Variants in KHDRBS2 observed in about 807,000 individuals in gnomAD.
KHDRBS2 encodes the protein KH domain-containing, RNA-binding, signal transduction-associated protein 2.
KHDRBS2 carries 26 observed loss-of-function variants against 44.3 expected under a neutral mutation model. The ratio of observed to expected loss-of-function variants is 0.59; its 90% CI spans 0.43 to 0.81. The LOEUF (loss-of-function observed/expected upper bound fraction) is 0.81, where lower values mean the gene tolerates loss of function less well. KHDRBS2 is among the 40% of genes least tolerant of loss of function. The probability of loss-of-function intolerance (pLI) is 0.00; values close to 1 mark genes in which losing one functional copy is unlikely to be tolerated. For missense variants in KHDRBS2, 476 were observed against 433.1 expected (o/e 1.10, Z -0.88); for synonymous variants, 194 against 151.1 (o/e 1.28, Z -2.08).
At chr6:61,632,114 T>C in the KHDRBS2 span, among the ~76,000 whole-genome samples, 2 of 152,200 alleles carry the variant, frequency 1.3e-5, no homozygotes, top group African/African-American at 4.8e-5. Flanking sequence ...TTCATCATTA[T>C]GAAAATTTCT....
chr6:62,198,611 A>G (rs1826201827), intron 1 of KHDRBS2, among the ~76,000 whole-genome samples: 1 of 152,156 alleles, frequency 6.6e-6, no homozygotes, highest in Non-Finnish European at 1.5e-5. Context: ...ACCAACCAAA[A>G]AAAGTCCAGG....
intron 2 of KHDRBS2, among the ~76,000 whole-genome samples, chr6:62,059,307 CA>C (rs550354153): frequency 8.2e-6 from 1 of 122,232 alleles, no homozygotes; most frequent in Non-Finnish European, 1.6e-5. Context: ...AAACAAGTTC[CA>C]AAAAAGAAAA....
intron 2 of KHDRBS2, among the ~76,000 whole-genome samples, chr6:62,083,093 C>A (rs1362242799): frequency 6.6e-6 from 1 of 152,100 alleles, no homozygotes; most frequent in African/African-American, 2.4e-5. Context: ...TTTTCCCACC[C>A]AAATGTTGCC....
chr6:62,154,686 A>C (rs1004719154), intron 2 of KHDRBS2, among the ~76,000 whole-genome samples: 1 of 152,202 alleles, frequency 6.6e-6, no homozygotes, highest in Non-Finnish European at 1.5e-5. Flanking sequence ...GGGAGCAAAA[A>C]TGATAAAACA....
intron 6 of KHDRBS2, among the ~76,000 whole-genome samples, chr6:61,750,743 A>G (rs1354497071): frequency 6.7e-6 from 1 of 148,240 alleles, no homozygotes; most frequent in African/African-American, 2.5e-5. Flanking sequence ...CTTCTCATTT[A>G]TGACCAGAGA....
intron 7 of KHDRBS2, among the ~76,000 whole-genome samples, chr6:61,729,901 C>T (rs1774171496): frequency 6.6e-6 from 1 of 151,898 alleles, no homozygotes; most frequent in Non-Finnish European, 1.5e-5. Context: ...TTGTAGCTTG[C>T]CATTTTATTT....
At chr6:61,969,677 G>T (rs578219768) in intron 4 of KHDRBS2, among the ~76,000 whole-genome samples, 1 of 151,894 alleles carries the variant, frequency 6.6e-6, no homozygotes, top group Non-Finnish European at 1.5e-5. Flanking sequence ...GAACAGAAGA[G>T]GATTAAAATG....
At chr6:62,128,481 A>G (rs1252301676) in intron 2 of KHDRBS2, among the ~76,000 whole-genome samples, 1 of 152,092 alleles carries the variant, frequency 6.6e-6, no homozygotes. Context: ...CAGGAAAGGT[A>G]ACTTTTAGGA....
intron 4 of KHDRBS2, among the ~76,000 whole-genome samples, chr6:61,947,036 T>G (rs1463380140): frequency 3.3e-5 from 5 of 152,192 alleles, no homozygotes; most frequent in African/African-American, 1.2e-4. Context: ...TATTCTTGTT[T>G]CACTCTAGAA....
intron 1 of KHDRBS2, among the ~76,000 whole-genome samples, chr6:62,181,743 G>A (rs1349118478): frequency 6.6e-6 from 1 of 151,910 alleles, no homozygotes; most frequent in Admixed American, 6.6e-5. Context: ...AGTATTAAAA[G>A]GTTAGGCCTT....
At chr6:62,177,073 C>T (rs1309314640) in intron 2 of KHDRBS2, 112 bp downstream of exon 2, 3 of 656,322 alleles carry the variant, frequency 4.6e-6, no homozygotes, top group Non-Finnish European at 4.7e-6. Context: ...CTTGCATACA[C>T]TTACATTATG....
intron 2 of KHDRBS2, among the ~76,000 whole-genome samples, chr6:62,154,704 T>C (rs1210454644): frequency 1.3e-5 from 2 of 152,154 alleles, no homozygotes; most frequent in African/African-American, 4.8e-5. Context: ...ACAATGAGTA[T>C]GTCACAAATG....
intron 4 of KHDRBS2, among the ~76,000 whole-genome samples, chr6:61,932,804 A>G (rs1398525597): frequency 6.6e-6 from 1 of 152,100 alleles, no homozygotes; most frequent in Non-Finnish European, 1.5e-5. Context: ...AGAAAAAAAT[A>G]AAAAATAAGA....
chr6:62,009,309 T>C (rs1437544127), intron 3 of KHDRBS2, among the ~76,000 whole-genome samples: 1 of 152,076 alleles, frequency 6.6e-6, no homozygotes, highest in Admixed American at 6.6e-5. Flanking sequence ...TGATTTAGGG[T>C]ATCAGTTGGA....
At chr6:61,626,536 G>A in the KHDRBS2 span, among the ~76,000 whole-genome samples, 7 of 152,158 alleles carry the variant, frequency 4.6e-5, no homozygotes, top group Non-Finnish European at 1.0e-4. Context: ...TCACTGCTAT[G>A]TTAACTTTGG....
chr6:61,721,386 C>A (rs1254779930), intron 7 of KHDRBS2, among the ~76,000 whole-genome samples: 1 of 151,746 alleles, frequency 6.6e-6, no homozygotes, highest in African/African-American at 2.4e-5. Flanking sequence ...GCCATTTTCA[C>A]GATATTGATT....
chr6:62,177,283 T>A lies in KHDRBS2; in HGVS notation c.121A>T (p.Lys41Ter). ...TACTTCTTTTCTTCGTCTTCCTTTT[T>A]TCCATCAGAACCTTGAAACTTTTCA... ...EIEKFQGSDG[K>*]KEDEEKKYLD... Residue 41 changes from lysine (K) to a stop codon, truncating the protein, a stop_gained, in exon 2 of 9, where the codon AAA (lysine) becomes TAA (stop). Coordinates refer to ENST00000281156, the MANE Select transcript of KHDRBS2 (RefSeq NM_152688.4). LOFTEE classifies it high-confidence loss of function. 1 of 1,600,742 alleles carries A rather than the reference T, an allele frequency of 6.2e-7. No homozygotes were observed. The highest frequency in any genetic ancestry group is 8.5e-7 in the Non-Finnish European group (1 of 1,171,040).
intron 2 of KHDRBS2, among the ~76,000 whole-genome samples, chr6:62,057,246 T>C (rs1291756044): frequency 2.0e-5 from 3 of 151,992 alleles, no homozygotes; most frequent in African/African-American, 7.2e-5. Flanking sequence ...TATGTGATTC[T>C]ATCCCTGCCA....
chr6:61,828,119 T>A (rs1271375108), intron 6 of KHDRBS2, among the ~76,000 whole-genome samples: 1 of 152,196 alleles, frequency 6.6e-6, no homozygotes. Context: ...TGTTCAGACC[T>A]CTCTATCCTT....
Sources: allele counts gnomAD v4.1 joint callset (sites outside exome capture counted in the v4.1 genomes callset), GRCh38; gene constraint gnomAD v4.1.1; transcripts MANE v1.5; gene names NCBI Gene and HGNC (gene_info 2026-07-23, HGNC 2026-07-21).